Variants in RUFY1 observed in about 807,000 individuals in gnomAD.
The protein encoded by RUFY1 is RUN and FYVE domain containing 1.
In RUFY1, 54 loss-of-function variants were observed where a neutral mutation model predicts 94.6. The observed-to-expected ratio is 0.57, with a 90% confidence interval of 0.46 to 0.72. The LOEUF is 0.72. RUFY1 is among the 30% of genes least tolerant of loss of function. The probability of loss-of-function intolerance (pLI) is 0.00; values close to 1 mark genes in which losing one functional copy is unlikely to be tolerated. For synonymous variants in RUFY1, 396 were observed against 347.3 expected (o/e 1.14, Z -1.56); for missense variants, 883 against 883.9 (o/e 1.00, Z 0.01).
chr5:179,595,270 G>GAGATC (rs906474627), intron 12 of RUFY1, among the ~76,000 whole-genome samples: 8 of 152,152 alleles, frequency 5.3e-5, no homozygotes, highest in African/African-American at 1.9e-4. Flanking sequence ...ACGAGGTCAG[G>GAGATC]AGATCGAGAC....
rs1218633069 is a variant in RUFY1, at chr5:179,591,721, G to A, written c.1225G>A (p.Glu409Lys). Residue 409 changes from glutamate to lysine, a missense_variant, in exon 10 of 18, where the codon GAG becomes AAG. Physicochemically the swap from Glu to Lys is moderately conservative, Grantham distance 56 (BLOSUM62 1). Coordinates refer to ENST00000319449, the MANE Select transcript of RUFY1 (RefSeq NM_025158.5). ...CAGTGATGTGTGGAAGCAGCTAAAA[G>A]AGGAGAAGAAAGTCCGGTTGGTGAG... ...MYSDVWKQLK[E>K]EKKVRLELEK... The A allele has an allele frequency of 1.2e-6, 2 of 1,608,710 alleles. No homozygotes were observed. The highest frequency in any genetic ancestry group is 2.7e-5 in the African/African-American group (2 of 74,640).
chr5:179,577,557 AGGCTCCGAGGCC>A (rs1394421123), intron 6 of RUFY1, among the ~76,000 whole-genome samples: 9 of 125,412 alleles, frequency 7.2e-5, no homozygotes, highest in African/African-American at 2.7e-4. Flanking sequence ...AGACTAGCGG[AGGCTCCGAGGCC>A]GGGCGTGGTG....
At chr5:179,551,450 A>G (rs916360315) in intron 1 of RUFY1, among the ~76,000 whole-genome samples, 15 of 152,212 alleles carry the variant, frequency 9.9e-5, no homozygotes, top group African/African-American at 3.6e-4. Context: ...GCTATCCAAT[A>G]CAACAGCACG....
rs982192406 is a variant in RUFY1 at position 179,591,642 on chromosome 5, C to A, written c.1146C>A (p.Thr382=). 3 of 1,611,316 alleles carry A rather than the reference C, an allele frequency of 1.9e-6. No homozygotes were observed. The highest frequency in any genetic ancestry group is 1.1e-5 in the South Asian group (1 of 90,640). ...EKSVEITKQD[T]KVELETYKQT... ...TGATACAGATAACAAAACAGGATAC[C>A]AAAGTTGAGCTGGAGACTTACAAGC... The change falls in exon 10 of 18, where the codon ACC becomes ACA. Residue 382 remains threonine (T), a synonymous_variant. Transcript: ENST00000319449.
At chr5:179,554,719 G>A in intron 1 of RUFY1, among the ~76,000 whole-genome samples, 1 of 151,898 alleles carries the variant, frequency 6.6e-6, no homozygotes, top group Non-Finnish European at 1.5e-5. Context: ...TGTAATCCCA[G>A]CACTTTGGGA....
chr5:179,581,866 G>A (rs1356077064), intron 7 of RUFY1, among the ~76,000 whole-genome samples: 2 of 151,442 alleles, frequency 1.3e-5, no homozygotes, highest in Non-Finnish European at 2.9e-5. Context: ...TGTATTTTTT[G>A]TAGAGACAGT....
intron 3 of RUFY1, chr5:179,562,925 A>G: frequency 2.8e-6 from 1 of 359,520 alleles, no homozygotes; most frequent in Non-Finnish European, 5.1e-6. Flanking sequence ...CAGGAGGAAA[A>G]GGAACTACTG....
intron 7 of RUFY1, 105 bp downstream of exon 7, chr5:179,581,117 A>T: frequency 1.4e-6 from 1 of 702,174 alleles, no homozygotes; most frequent in South Asian, 1.8e-5. Context: ...TTGTTTCCAA[A>T]CCAAGACAAA....
chr5:179,605,777 C>T (rs1304567780), intron 15 of RUFY1, 99 bp from the exon 16 acceptor site: 11 of 819,306 alleles, frequency 1.3e-5, no homozygotes, highest in South Asian at 1.2e-4. Context: ...CTCACAAGTC[C>T]GGTATCCTCA....
Position 179,591,650 on chromosome 5 carries a change from A to G in RUFY1, c.1154A>G (p.Glu385Gly). The stretch of plus-strand genomic sequence containing the variant: ...ATAACAAAACAGGATACCAAAGTTG[A>G]GCTGGAGACTTACAAGCAAACTCGG... Reference protein sequence around the residue: ...VEITKQDTKVELETYKQTRQG... With the variant: ...VEITKQDTKVGLETYKQTRQG... Residue 385 changes from glutamate (E) to glycine (G), a missense_variant, in exon 10 of 18, where the codon GAG (glutamate) becomes GGG (glycine). Glu to Gly is a moderately conservative substitution (Grantham distance 98). Coordinates refer to ENST00000319449, the MANE Select transcript of RUFY1 (RefSeq NM_025158.5). The G allele has an allele frequency of 6.2e-7, 1 of 1,612,884 alleles. No individual in the cohort carries two copies. The highest frequency in any genetic ancestry group is 8.5e-7 in the Non-Finnish European group (1 of 1,179,420).
At chr5:179,574,876 TATTA>T (rs1181644738) in intron 5 of RUFY1, among the ~76,000 whole-genome samples, 4 of 152,178 alleles carry the variant, frequency 2.6e-5, no homozygotes, top group East Asian at 1.9e-4. Flanking sequence ...TTGCTTTGGG[TATTA>T]ATTCTTTCTC....
chr5:179,575,488 A>G (rs1763546582), intron 5 of RUFY1, among the ~76,000 whole-genome samples: 2 of 152,192 alleles, frequency 1.3e-5, no homozygotes, highest in African/African-American at 4.8e-5. Context: ...AGAACTTCAA[A>G]CGCATATGCC....
intron 2 of RUFY1, among the ~76,000 whole-genome samples, chr5:179,561,406 G>A (rs1040322255): frequency 5.9e-5 from 9 of 151,788 alleles, no homozygotes; most frequent in Non-Finnish European, 1.3e-4. Flanking sequence ...GTCAGATGAG[G>A]AGTTGCATTT....
intron 15 of RUFY1, among the ~76,000 whole-genome samples, chr5:179,604,448 G>A (rs1272609197): frequency 1.3e-5 from 2 of 152,096 alleles, no homozygotes; most frequent in Admixed American, 6.6e-5. Context: ...GTCCATCTGC[G>A]CAGCCTCTTC....
Position 179,580,387 on chromosome 5 carries a change from C to T in RUFY1, c.891-560C>T, listed in dbSNP as rs974402714. Among the ~76,000 whole-genome samples, 16 of 151,582 alleles carry T rather than the reference C, an allele frequency of 1.1e-4. No homozygotes were observed. The East Asian group carries it at 1.8e-3, about 17-fold the overall frequency. On this transcript the variant is annotated intron_variant, in intron 6 of 17. Transcript: ENST00000319449. ...CCTCCCGAGGAGCTGGGACTACAGG[C>T]GCCCGCCACCACGCCCGGCTAATTT...
At position 179,607,664 on chromosome 5, in the gene RUFY1, G is replaced by A. The variant is rs200067764; in HGVS notation, c.1983+5G>A. The A allele has an allele frequency of 2.5e-5, 40 of 1,612,720 alleles. No homozygotes were observed. In the Admixed American group the frequency reaches 3.5e-4, roughly 14 times the overall value. ...TTCTCCATTTCCCGGAGAAAGGTACGTGGGGGCTCCACCCACCCTCCCAGT... is the reference window on the plus strand; with the variant it reads ...TTCTCCATTTCCCGGAGAAAGGTACATGGGGGCTCCACCCACCCTCCCAGT... On this transcript the variant is annotated splice_donor_5th_base_variant and intron_variant, in intron 17 of 17. Transcript: ENST00000319449.
chr5:179,608,684 T>A, intron 17 of RUFY1: 1 of 966,116 alleles, frequency 1.0e-6, no homozygotes, highest in Non-Finnish European at 1.2e-6. Flanking sequence ...TCCTAGCACT[T>A]TGGGAGGCTG....
rs770892049 is a variant in RUFY1 at position 179,609,378 on chromosome 5, C to T, written c.1986C>T (p.His662=). ...EKEFSISRRK[H]HCRNCGHIFC... ...ACCGCCTTCTTCCCGTCCTGTAGCA[C>T]CACTGCCGGAACTGTGGCCACATCT... Residue 662 remains histidine (H), a splice_region_variant and synonymous_variant, in exon 18 of 18, where the codon CAC becomes CAT. Transcript: ENST00000319449. 3 of 1,613,264 alleles carry T rather than the reference C, an allele frequency of 1.9e-6. No homozygotes were observed. The highest frequency in any genetic ancestry group is 1.7e-5 in the Admixed American group (1 of 59,962).
intron 7 of RUFY1, among the ~76,000 whole-genome samples, chr5:179,581,810 A>G (rs1172656542): frequency 6.6e-6 from 1 of 151,510 alleles, no homozygotes; most frequent in Non-Finnish European, 1.5e-5. Flanking sequence ...TCAGCCTCCT[A>G]AGTAGCTGGG....
Sources: gnomAD v4.1 joint callset for allele counts (sites outside exome capture counted in the v4.1 genomes callset) on GRCh38, gnomAD v4.1.1 for gene constraint, MANE v1.5 for transcripts, NCBI Gene and HGNC (gene_info 2026-07-23, HGNC 2026-07-21) for gene names.